Variants in TG observed in about 807,000 individuals in gnomAD.
TG encodes the protein thyroglobulin.
A neutral mutation model predicts 324.7 loss-of-function variants in TG; 270 were observed. That is an observed-to-expected ratio of 0.83 (90% CI 0.75 to 0.92). The LOEUF is 0.92. TG is among the 40% of genes least tolerant of loss of function. The pLI is 0.00. For synonymous variants in TG, 1,401 were observed against 1,327.0 expected (o/e 1.06, Z -1.21); for missense variants, 3,591 against 3,456.4 (o/e 1.04, Z -0.98).
chr8:133,040,646 G>A (rs940079), intron 41 of TG, among the ~76,000 whole-genome samples: 21,421 of 151,900 alleles, frequency 0.14, 1,688 homozygotes, highest in African/African-American at 0.19. Context: ...TCTCTAGGAA[G>A]AAAGATAAAA....
At chr8:132,897,362 C>T (rs1418086834) in intron 11 of TG, among the ~76,000 whole-genome samples, 1 of 152,172 alleles carries the variant, frequency 6.6e-6, no homozygotes, top group East Asian at 1.9e-4. Flanking sequence ...TCTCATGTGC[C>T]TGAAGACACT....
chr8:132,933,182 G>A (rs1271053494), intron 23 of TG, among the ~76,000 whole-genome samples: 1 of 149,132 alleles, frequency 6.7e-6, no homozygotes, highest in African/African-American at 2.5e-5. Flanking sequence ...TATTTGGGGG[G>A]TGTATTTGGG....
chr8:132,935,554 C>G (rs1823457929), intron 24 of TG, among the ~76,000 whole-genome samples: 1 of 152,168 alleles, frequency 6.6e-6, no homozygotes, highest in African/African-American at 2.4e-5. Context: ...CTAATTACCT[C>G]TTCTTTAATT....
chr8:132,884,752 G>T (rs1177248574), intron 8 of TG, among the ~76,000 whole-genome samples: 1 of 152,206 alleles, frequency 6.6e-6, no homozygotes, highest in Non-Finnish European at 1.5e-5. Context: ...TGCATAGATA[G>T]ATCATATATT....
intron 41 of TG, among the ~76,000 whole-genome samples, chr8:133,081,209 G>A (rs975945846): frequency 6.6e-6 from 1 of 152,270 alleles, no homozygotes; most frequent in African/African-American, 2.4e-5. Flanking sequence ...TGGAGCCTGA[G>A]CTTGGGAAGG....
intron 41 of TG, among the ~76,000 whole-genome samples, chr8:133,057,715 T>G (rs1188108533): frequency 1.3e-5 from 2 of 151,078 alleles, no homozygotes; most frequent in Non-Finnish European, 2.9e-5. Flanking sequence ...AGACATTAGT[T>G]CCTGAGAAAT....
intron 27 of TG, among the ~76,000 whole-genome samples, chr8:132,955,522 T>C (rs1212850064): frequency 6.6e-6 from 1 of 152,222 alleles, no homozygotes; most frequent in Non-Finnish European, 1.5e-5. Flanking sequence ...CACAATCTCT[T>C]CCTGCCAGCA....
At chr8:132,909,971 A>G (rs1819273552) in intron 18 of TG, among the ~76,000 whole-genome samples, 2 of 152,182 alleles carry the variant, frequency 1.3e-5, no homozygotes, top group Admixed American at 1.3e-4. Flanking sequence ...TGTTTTGGAG[A>G]TTAAACTAGC....
At chr8:132,909,612 A>G (rs1164595147) in intron 18 of TG, among the ~76,000 whole-genome samples, 3 of 152,042 alleles carry the variant, frequency 2.0e-5, no homozygotes, top group East Asian at 3.9e-4. Flanking sequence ...GAAGGAGGAG[A>G]TGATACATAG....
chr8:132,995,324 A>G (rs1173329768), intron 35 of TG: 1 of 985,064 alleles, frequency 1.0e-6, no homozygotes, highest in Non-Finnish European at 1.2e-6. Flanking sequence ...GATAAATGGA[A>G]TGAGCAGCAG....
In TG at chr8:132,961,017, C is replaced by T. The variant is rs1291041050; in HGVS notation, c.5411C>T (p.Pro1804Leu). Residue 1804 changes from proline (P) to leucine (L), a missense_variant, in exon 28 of 48, where the codon CCC (proline) becomes CTC (leucine). Pro to Leu is a moderately conservative substitution (Grantham distance 98, BLOSUM62 -3). Coordinates refer to ENST00000220616, the MANE Select transcript of TG (RefSeq NM_003235.5). Reference protein sequence around the residue: ...GDQEFIKSLTPLEGTQDTFTN... With the variant: ...GDQEFIKSLTLLEGTQDTFTN... Reference sequence around the variant, plus strand: ...ACATCTTCCTTTGCAGGTCTGACACCCTTAGAAGGAACTCAAGACACCTTT... The same window carrying T: ...ACATCTTCCTTTGCAGGTCTGACACTCTTAGAAGGAACTCAAGACACCTTT... The T allele has an allele frequency of 1.2e-6, 2 of 1,613,966 alleles. No homozygotes were observed. Among genetic ancestry groups the T allele is most frequent in the Admixed American group, 1.7e-5 (1 of 60,014 alleles).
In TG at chr8:132,952,394, T is replaced by C. The variant is rs118029191; in HGVS notation, c.5401+3451T>C. Among the ~76,000 whole-genome samples, 1,430 of 152,280 alleles carry C rather than the reference T, an allele frequency of 9.4e-3. 15 individuals are homozygous for C. Among genetic ancestry groups the C allele is most frequent in the Non-Finnish European group, 0.015 (1,028 of 68,014 alleles). ...ACCACCTTCAGCCTCAGGGCCTCCA[T>C]CTGTGCAATGGGCGCATTCGTTCAC... On this transcript the variant is annotated intron_variant, in intron 27 of 47. Transcript: ENST00000220616.
intron 25 of TG, among the ~76,000 whole-genome samples, chr8:132,940,681 G>A (rs1187975916): frequency 1.3e-5 from 2 of 152,226 alleles, no homozygotes; most frequent in African/African-American, 4.8e-5. Context: ...ACTCTGCAAT[G>A]GTCACTTTGA....
intron 22 of TG, 43 bp from the exon 23 acceptor site, chr8:132,929,033 A>C (rs772401475): frequency 6.5e-7 from 1 of 1,538,794 alleles, no homozygotes; most frequent in Non-Finnish European, 9.0e-7. Context: ...CAGATGCCCT[A>C]CACCCTTCTG....
intron 1 of TG, among the ~76,000 whole-genome samples, chr8:132,867,725 A>C (rs1839089507): frequency 6.6e-6 from 1 of 151,192 alleles, no homozygotes; most frequent in African/African-American, 2.4e-5. Flanking sequence ...ATTCAAGAAG[A>C]ACTTCCTTAC....
rs202215145 is a variant in TG, at chr8:133,134,783, T to A, written c.8296T>A (p.Tyr2766Asn). 16 of 1,614,048 alleles carry A rather than the reference T, an allele frequency of 9.9e-6. No homozygotes were observed. The East Asian group carries it at 3.6e-4, about 36-fold the overall frequency. Reference sequence around the variant, plus strand: ...CCTCCAGGAACCAGGCTCTAAGACCTACAGCAAGTGACCAGCCCTTGAGCT... The same window carrying A: ...CCTCCAGGAACCAGGCTCTAAGACCAACAGCAAGTGACCAGCCCTTGAGCT... ...LSLQEPGSKTYSK is the reference protein window; with the variant it reads ...LSLQEPGSKTNSK Residue 2766 changes from tyrosine (Y) to asparagine (N), a missense_variant, in exon 48 of 48, where the codon TAC becomes AAC. Transcript: ENST00000220616.
At chr8:132,871,640 C>G in intron 4 of TG, 89 bp downstream of exon 4, 1 of 1,354,414 alleles carries the variant, frequency 7.4e-7, no homozygotes. Context: ...GGTTTCCTGC[C>G]GAAGTGGGCA....
In TG at chr8:133,040,594, C is replaced by T. The variant is rs760630396; in HGVS notation, c.7239+10571C>T. On this transcript the variant is annotated intron_variant, in intron 41 of 47. Transcript: ENST00000220616. ...ATGGGGCTGCATACAGCGCTGATCC[C>T]CCCAGTTGTGCATTTACAATGGAAC... Among the ~76,000 whole-genome samples, 26 of 152,060 alleles carry T rather than the reference C, an allele frequency of 1.7e-4. 1 individual carries two copies. Among genetic ancestry groups the T allele is most frequent in the Non-Finnish European group, 3.8e-4 (26 of 68,022 alleles).
intron 41 of TG, among the ~76,000 whole-genome samples, chr8:133,092,881 T>C (rs1847789260): frequency 6.6e-6 from 1 of 152,232 alleles, no homozygotes; most frequent in Admixed American, 6.5e-5. Context: ...CAAAATACTT[T>C]AAGAGAAAGA....
Sources: allele counts gnomAD v4.1 joint callset (sites outside exome capture counted in the v4.1 genomes callset), GRCh38; gene constraint gnomAD v4.1.1; transcripts MANE v1.5; gene names NCBI Gene and HGNC (gene_info 2026-07-23, HGNC 2026-07-21).